The following CFAP99 variants were observed in gnomAD, a reference collection of about 807,000 sequenced individuals.
CFAP99 encodes the protein cilia and flagella associated protein 99.
CFAP99 carries 84 observed loss-of-function variants against 82.7 expected under a neutral mutation model. The observed-to-expected ratio is 1.02, with a 90% CI of 0.85 to 1.22. The LOEUF (loss-of-function observed/expected upper bound fraction) is 1.22. CFAP99 is among the 50% of genes most tolerant of loss of function. The pLI is 0.00. For missense variants in CFAP99, 1,059 were observed against 983.5 expected, an observed-to-expected ratio of 1.08 and a Z score of -1.03; for synonymous variants, 456 against 429.5, an observed-to-expected ratio of 1.06 and a Z score of -0.76.
At chr4:2,449,977 T>G in exon 8 of CFAP99, 1 of 1,536,152 alleles carries the variant, frequency 6.5e-7, no homozygotes, top group Non-Finnish European at 8.7e-7. Context: ...CGCTGCGCCA[T>G]GCCCAGGTCC....
In CFAP99 at chr4:2,462,766, G is replaced by A; in HGVS notation, c.1985G>A (p.Gly662Asp). Residue 662 changes from glycine (G) to aspartate (D), a missense_variant, in exon 15 of 15, where the codon GGT becomes GAT. By Grantham distance (94) the Gly-to-Asp change is moderately conservative. Coordinates refer to ENST00000635017, the Ensembl canonical transcript of CFAP99. This position sits in a 1 kb window ranked among gnomAD's most constrained non-coding sequence, Gnocchi z 4.1. ...TACGCAGCGGCGGGCGCGGGAGGCG[G>A]TGGGGGCGTCCCTGCCCGCGCCGAC... 8.0e-7 allele frequency: 1 copy of A among 1,255,732 alleles called. No homozygotes were observed. Among genetic ancestry groups the A allele is most frequent in the Non-Finnish European group, 1.0e-6 (1 of 998,706 alleles). 77.8% of individuals were successfully genotyped at this position (1,255,732 alleles called of 1,614,324 possible).
chr4:2,437,783 T>C (rs997039795), intron 3 of CFAP99, among the ~76,000 whole-genome samples: 2 of 152,206 alleles, frequency 1.3e-5, no homozygotes, highest in Non-Finnish European at 2.9e-5. Context: ...TGCTCAGAAA[T>C]TGACAAACAA....
intron 5 of CFAP99, 79 bp downstream of exon 5, chr4:2,443,321 C>T (rs1734094694): frequency 3.7e-6 from 3 of 819,524 alleles, no homozygotes; most frequent in African/African-American, 1.7e-5. Flanking sequence ...CACGGGAGCT[C>T]CACGTTCCCC....
At chr4:2,441,455 A>G (rs1315475599) in intron 4 of CFAP99, among the ~76,000 whole-genome samples, 1 of 151,742 alleles carries the variant, frequency 6.6e-6, no homozygotes, top group African/African-American at 2.4e-5. Context: ...GTGGCCCTGG[A>G]TCAATCTCGG....
chr4:2,441,464 G>A (rs1272261928), intron 4 of CFAP99, among the ~76,000 whole-genome samples: 2 of 151,866 alleles, frequency 1.3e-5, no homozygotes, highest in African/African-American at 2.4e-5. Flanking sequence ...GATCAATCTC[G>A]GCCTGCAGAG....
exon 3 of CFAP99, chr4:2,436,970 G>C: frequency 6.5e-7 from 1 of 1,536,094 alleles, no homozygotes; most frequent in Non-Finnish European, 8.7e-7. Context: ...TGCCTTCTAC[G>C]TGGAGGATGG....
At chr4:2,422,962 A>G (rs1371231500) in intron 1 of CFAP99, among the ~76,000 whole-genome samples, 13 of 152,182 alleles carry the variant, frequency 8.5e-5, no homozygotes, top group Non-Finnish European at 5.9e-5. Context: ...GTGCCACCAC[A>G]CCTGAGTCAT....
In CFAP99 at chr4:2,450,011, G is replaced by A. The variant is rs760528239; in HGVS notation, c.795+6G>A. ...CCTGCAGGGAGCGAGTGCAGGTACC[G>A]CCCAGCTCTCTCAAGACCCATCATC... is the stretch of plus-strand genomic sequence containing the variant. On this transcript the variant is annotated splice_donor_region_variant and intron_variant, in intron 8 of 14. Coordinates refer to ENST00000635017, the Ensembl canonical transcript of CFAP99. The A allele has an allele frequency of 9.8e-6, 15 of 1,535,810 alleles. No individual in the cohort carries two copies. Among genetic ancestry groups the A allele is most frequent in the African/African-American group, 2.7e-5 (2 of 73,014 alleles).
chr4:2,459,955 A>T, intron 13 of CFAP99, 82 bp from the exon 14 acceptor site: 1 of 1,306,218 alleles, frequency 7.7e-7, no homozygotes, highest in Non-Finnish European at 1.1e-6. Context: ...GGGTGGGCCT[A>T]TGGAACAGGG....
At chr4:2,450,843 G>T in intron 8 of CFAP99, 104 bp from the exon 9 acceptor site, 1 of 949,162 alleles carries the variant, frequency 1.1e-6, no homozygotes, top group East Asian at 2.6e-5. Flanking sequence ...AGAGGGGTGA[G>T]CCAGGCCTCC....
At position 2,446,555 on chromosome 4, in the gene CFAP99, G is replaced by A. The variant is rs1734171181; in HGVS notation, c.642+1247G>A. ...TTACAGGTACCGGCCACCACACCCG[G>A]CTAATTTTTATATTTTTAGTAGAGG... On this transcript the variant is annotated intron_variant, in intron 6 of 14. Coordinates refer to ENST00000635017, the Ensembl canonical transcript of CFAP99. This position sits in a 1 kb window ranked among gnomAD's most constrained non-coding sequence, Gnocchi z 5.0. Among the ~76,000 whole-genome samples the A allele has an allele frequency of 6.6e-6, 1 of 152,020 alleles. No individual in the cohort carries two copies. Among genetic ancestry groups the A allele is most frequent in the Non-Finnish European group, 1.5e-5 (1 of 68,004 alleles).
At chr4:2,424,906 G>A (rs1733654082) in intron 1 of CFAP99, among the ~76,000 whole-genome samples, 1 of 152,220 alleles carries the variant, frequency 6.6e-6, no homozygotes, top group Non-Finnish European at 1.5e-5. Context: ...GCATCCTTCA[G>A]TTCTAGGGCG....
In CFAP99 at chr4:2,462,931, G is replaced by A. The variant is rs1734668898; in HGVS notation, c.*5G>A. 1 of 1,282,552 alleles carries A rather than the reference G, an allele frequency of 7.8e-7. No individual in the cohort carries two copies. The highest frequency in any genetic ancestry group is 9.8e-7 in the Non-Finnish European group (1 of 1,019,466). The allele number at this position is 1,282,552 out of a possible 1,614,324, so 79.4% of individuals were successfully genotyped here. On this transcript the variant is annotated 3_prime_UTR_variant, in exon 15 of 15. Transcript: ENST00000635017. The surrounding 1 kb of genome is among the most constrained non-coding windows in gnomAD (Gnocchi z 4.1). ...CGCCGCCTGGAGGCCGCCTGAGCCGGGCCGAGCGCGCCCCACCCGCTTGCG... is the reference window on the plus strand; with the variant it reads ...CGCCGCCTGGAGGCCGCCTGAGCCGAGCCGAGCGCGCCCCACCCGCTTGCG...
chr4:2,448,350 G>A lies in CFAP99; in HGVS notation c.643-1320G>A, dbSNP rs889309495. ...ATGCTCTATAGCTGTGTGCCTCTCA[G>A]TACAATCTGTGAGATGTTTGTGGAC... On this transcript the variant is annotated intron_variant, in intron 6 of 14. Transcript: ENST00000635017. This position sits in a 1 kb window ranked among gnomAD's most constrained non-coding sequence, Gnocchi z 5.2. Among the ~76,000 whole-genome samples, 1 of 152,210 alleles carries A rather than the reference G, an allele frequency of 6.6e-6. No individual in the cohort carries two copies. Among genetic ancestry groups the A allele is most frequent in the African/African-American group, 2.4e-5 (1 of 41,456 alleles).
chr4:2,459,067 C>A (rs1734508346), intron 12 of CFAP99, 40 bp from the exon 13 acceptor site: 1 of 1,476,806 alleles, frequency 6.8e-7, no homozygotes, highest in South Asian at 1.3e-5. Flanking sequence ...CCCTGCCCTG[C>A]CACCCACCAG....
intron 1 of CFAP99, among the ~76,000 whole-genome samples, chr4:2,426,152 C>T (rs922822258): frequency 1.3e-5 from 2 of 152,176 alleles, no homozygotes; most frequent in African/African-American, 4.8e-5. Context: ...GGCACTCGGC[C>T]AGCTTCGGTC....
intron 11 of CFAP99, among the ~76,000 whole-genome samples, chr4:2,453,770 TTTAAC>T (rs1371066058): frequency 1.3e-5 from 2 of 151,894 alleles, no homozygotes; most frequent in East Asian, 3.8e-4. Context: ...TCTTTATTTA[TTTAAC>T]TTGACAAATG....
chr4:2,433,994 G>T (rs1733853995), intron 2 of CFAP99, among the ~76,000 whole-genome samples: 1 of 152,242 alleles, frequency 6.6e-6, no homozygotes, highest in Non-Finnish European at 1.5e-5. Context: ...GGGTCAAAAA[G>T]AGACTTGAAG....
In CFAP99 at chr4:2,440,149, C is replaced by CTTTTTTTTTTTTT. The variant is rs1253819268; in HGVS notation, c.351+1988_351+2000dup. On this transcript the variant is annotated intron_variant, in intron 4 of 14. Coordinates refer to ENST00000635017, the Ensembl canonical transcript of CFAP99. ...GAGCCACTGCGCCCAGCTTGACATT[C>CTTTTTTTTTTTTT]TTTTTTTTTTTTTTTGAGACGGAGT... is the stretch of plus-strand genomic sequence containing the variant. 1.9e-3 allele frequency among the ~76,000 whole-genome samples: 196 copies of CTTTTTTTTTTTTT among 104,004 alleles called. 22 individuals are homozygous for CTTTTTTTTTTTTT. Among genetic ancestry groups the CTTTTTTTTTTTTT allele is most frequent in the African/African-American group, 6.5e-3 (142 of 21,744 alleles). 68.2% of individuals were successfully genotyped at this position (104,004 alleles called of 152,430 possible).
Sources: gnomAD v4.1 joint callset for allele counts (sites outside exome capture counted in the v4.1 genomes callset) on GRCh38, gnomAD v4.1.1 for gene constraint, Gnocchi (gnomAD v3.1) non-coding constraint, MANE v1.5 for transcripts, NCBI Gene and HGNC (gene_info 2026-07-23, HGNC 2026-07-21) for gene names.